GRIN2B: variants seen among roughly 807,000 people sequenced by gnomAD.
GRIN2B encodes the protein glutamate receptor ionotropic, NMDA 2B.
A neutral mutation model predicts 114.5 loss-of-function variants in GRIN2B; 5 were observed. The ratio of observed to expected loss-of-function variants is 0.04; its 90% confidence interval spans 0.02 to 0.09. GRIN2B has a LOEUF of 0.09. Among genes scored for constraint, GRIN2B ranks in the 10% least tolerant of loss-of-function variants. GRIN2B has a pLI of 1.00. For synonymous variants in GRIN2B, 787 were observed against 745.1 expected, an observed-to-expected ratio of 1.06 and a Z score of -0.92; for missense variants, 1,108 against 1,943.5, an observed-to-expected ratio of 0.57 and a Z score of 8.08.
chr12:13,708,690 C>T (rs1950385693), intron 4 of GRIN2B, among the ~76,000 whole-genome samples: 1 of 151,934 alleles, frequency 6.6e-6, no homozygotes, highest in Non-Finnish European at 1.5e-5. Context: ...CTATTACATA[C>T]AAGAAAAAAA....
chr12:13,921,124 T>G (rs1866815598), intron 2 of GRIN2B, among the ~76,000 whole-genome samples: 1 of 152,140 alleles, frequency 6.6e-6, no homozygotes, highest in South Asian at 2.1e-4. Context: ...GAACCAGGCA[T>G]GGTAGCTCAC....
At chr12:13,839,474 C>A (rs1204634103) in intron 3 of GRIN2B, among the ~76,000 whole-genome samples, 1 of 152,154 alleles carries the variant, frequency 6.6e-6, no homozygotes, top group African/African-American at 2.4e-5. Flanking sequence ...TTTTCAGCTC[C>A]CTCTAGCCAG....
chr12:13,868,046 C>G (rs1865853869), intron 2 of GRIN2B, among the ~76,000 whole-genome samples: 1 of 152,148 alleles, frequency 6.6e-6, no homozygotes, highest in Non-Finnish European at 1.5e-5. Flanking sequence ...GAGCAAGATG[C>G]TGGGGACATT....
intron 3 of GRIN2B, among the ~76,000 whole-genome samples, chr12:13,849,296 C>T (rs1294543417): frequency 6.6e-6 from 1 of 151,968 alleles, no homozygotes; most frequent in Admixed American, 6.5e-5. Context: ...CAGAGCAAAG[C>T]TTCCGTGGCT....
rs550273682 is a variant in GRIN2B, at chr12:13,552,689, A to G, written c.*10094T>C. ...AAAAAAAGTCTCATAGTATAATGAA[A>G]TGGGTTTTGCTCTAAAATATTAACT... is the stretch of plus-strand genomic sequence containing the variant. On this transcript the variant is annotated 3_prime_UTR_variant, in exon 14 of 14. Coordinates refer to ENST00000609686, the MANE Select transcript of GRIN2B (RefSeq NM_000834.5). 2 of 152,268 alleles carry G rather than the reference A, an allele frequency of 1.3e-5. No homozygotes were observed. The highest frequency in any genetic ancestry group is 3.9e-4 in the East Asian group (2 of 5,182). 9.4% of individuals were successfully genotyped at this position (152,268 alleles called of 1,614,324 possible). A position where few individuals can be genotyped will look rare whatever the true frequency, so the allele number is the denominator to read the frequency against.
Position 13,866,236 on chromosome 12 carries a change from C to T in GRIN2B, c.-18-10G>A, listed in dbSNP as rs146841522. On this transcript the variant is annotated splice_polypyrimidine_tract_variant and intron_variant, in intron 2 of 13. Coordinates refer to ENST00000609686, the MANE Select transcript of GRIN2B (RefSeq NM_000834.5). ...TCAACTCGTCGACTCCCTGCAAACACAAAGAAAGAGCATGTTAAAATAGGA... is the reference window on the plus strand; with the variant it reads ...TCAACTCGTCGACTCCCTGCAAACATAAAGAAAGAGCATGTTAAAATAGGA... 1.2e-6 allele frequency: 2 copies of T among 1,600,482 alleles called. No individual in the cohort carries two copies. The highest frequency in any genetic ancestry group is 8.5e-7 in the Non-Finnish European group (1 of 1,178,762).
intron 3 of GRIN2B, among the ~76,000 whole-genome samples, chr12:13,847,666 A>C (rs1260285069): frequency 6.6e-6 from 1 of 152,038 alleles, no homozygotes; most frequent in Non-Finnish European, 1.5e-5. Flanking sequence ...CCAGAGATGC[A>C]ATGATGGAGA....
chr12:13,752,619 G>A (rs1263435826), intron 4 of GRIN2B, among the ~76,000 whole-genome samples: 1 of 152,158 alleles, frequency 6.6e-6, no homozygotes, highest in African/African-American at 2.4e-5. Context: ...CCCCACGGAG[G>A]ATGCACTGCA....
intron 3 of GRIN2B, among the ~76,000 whole-genome samples, chr12:13,777,078 C>T (rs1328364741): frequency 2.0e-5 from 3 of 152,152 alleles, no homozygotes; most frequent in Admixed American, 6.5e-5. Flanking sequence ...AACCTAGTGG[C>T]TCCCTCTCTG....
intron 3 of GRIN2B, among the ~76,000 whole-genome samples, chr12:13,805,500 T>C (rs1281893909): frequency 6.6e-6 from 1 of 152,144 alleles, no homozygotes; most frequent in African/African-American, 2.4e-5. Flanking sequence ...TAAATCCCCA[T>C]GGGGAGGTGT....
chr12:13,647,896 T>C (rs78208635), intron 5 of GRIN2B, among the ~76,000 whole-genome samples: 4,622 of 152,122 alleles, frequency 0.03, 248 homozygotes, highest in African/African-American at 0.11. Context: ...CTCAATACTA[T>C]TGGTTTCAGT....
intron 4 of GRIN2B, among the ~76,000 whole-genome samples, chr12:13,735,239 T>C (rs989328242): frequency 2.6e-5 from 4 of 152,250 alleles, no homozygotes; most frequent in Admixed American, 1.3e-4. Flanking sequence ...CCCAACTTGA[T>C]TTGAGAAAGA....
chr12:13,642,191 A>AACAG (rs1949724031), intron 5 of GRIN2B, among the ~76,000 whole-genome samples: 1 of 72,356 alleles, frequency 1.4e-5, no homozygotes, highest in African/African-American at 4.1e-5. Flanking sequence ...TCTGTCTCAA[A>AACAG]ACAAACAAAC....
chr12:13,910,257 A>T (rs1565583545), intron 2 of GRIN2B, among the ~76,000 whole-genome samples: 1 of 152,144 alleles, frequency 6.6e-6, no homozygotes, highest in Non-Finnish European at 1.5e-5. Context: ...AAGAGCATAG[A>T]GTCTTATAAA....
In GRIN2B at chr12:13,562,858, TTTG is replaced by T; in HGVS notation, c.4377_4379del (p.Asn1459del). The T allele has an allele frequency of 6.2e-7, 1 of 1,614,108 alleles. No individual in the cohort carries two copies. Among genetic ancestry groups the T allele is most frequent in the South Asian group, 1.1e-5 (1 of 91,080 alleles). On this transcript the variant is annotated inframe_deletion, in exon 14 of 14. Coordinates refer to ENST00000609686, the MANE Select transcript of GRIN2B (RefSeq NM_000834.5). The stretch of plus-strand genomic sequence containing the variant: ...TGGAGCCATTGAAAGCCCTGGGGTT[TTTG>T]TTGTTAGGCACACAGGGGTTGGACT...
chr12:13,693,177 A>G (rs955246760), intron 4 of GRIN2B, among the ~76,000 whole-genome samples: 1 of 152,070 alleles, frequency 6.6e-6, no homozygotes, highest in Non-Finnish European at 1.5e-5. Flanking sequence ...GACCAGAGAG[A>G]TACTATAGGA....
At chr12:13,571,523 C>T (rs894766603) in intron 11 of GRIN2B, among the ~76,000 whole-genome samples, 23 of 152,156 alleles carry the variant, frequency 1.5e-4, no homozygotes, top group African/African-American at 5.6e-4. Flanking sequence ...TCACTCTGCC[C>T]TCCTACTTCT....
At chr12:13,781,891 G>A (rs907518269) in intron 3 of GRIN2B, among the ~76,000 whole-genome samples, 1 of 152,234 alleles carries the variant, frequency 6.6e-6, no homozygotes, top group African/African-American at 2.4e-5. Context: ...GACCCTTAAG[G>A]TTCCTTCTAA....
At chr12:13,907,300 G>A (rs1866554765) in intron 2 of GRIN2B, among the ~76,000 whole-genome samples, 1 of 152,136 alleles carries the variant, frequency 6.6e-6, no homozygotes. Context: ...AGACCAGTCT[G>A]GCCAACATGG....
Sources: gnomAD v4.1 joint callset for allele counts (sites outside exome capture counted in the v4.1 genomes callset) on GRCh38, gnomAD v4.1.1 for gene constraint, MANE v1.5 for transcripts, NCBI Gene and HGNC (gene_info 2026-07-23, HGNC 2026-07-21) for gene names.